PCDHA3: variants seen among roughly 807,000 people sequenced by gnomAD.
The protein encoded by PCDHA3 is protocadherin alpha 3.
Under a neutral mutation model 62.2 loss-of-function variants are expected in PCDHA3, and 41 were observed. The observed-to-expected ratio is 0.66, with a 90% CI of 0.51 to 0.86. The LOEUF is 0.86. Ranked by LOEUF, PCDHA3 falls within the 40% of genes least tolerant of loss-of-function variation. The pLI is 0.00. For missense variants in PCDHA3, 1,304 were observed against 1,241.2 expected, an observed-to-expected ratio of 1.05 and a Z score of -0.76; for synonymous variants, 640 against 555.4, an observed-to-expected ratio of 1.15 and a Z score of -2.14.
intron 1 of PCDHA3, chr5:140,823,028 C>G: frequency 6.2e-7 from 1 of 1,614,206 alleles, no homozygotes; most frequent in Non-Finnish European, 8.5e-7. Flanking sequence ...GAGAGCGTGT[C>G]GGTCTATGAG....
chr5:140,928,450 G>C, intron 1 of PCDHA3: 2 of 1,614,146 alleles, frequency 1.2e-6, no homozygotes, highest in Non-Finnish European at 8.5e-7. Flanking sequence ...GCAGCTCAGG[G>C]GGTTTCATTT....
At chr5:140,833,728 T>C (rs1554133934) in intron 1 of PCDHA3, among the ~76,000 whole-genome samples, 1 of 147,810 alleles carries the variant, frequency 6.8e-6, no homozygotes, top group Non-Finnish European at 1.5e-5. Context: ...TAGTTGCTAA[T>C]GTTTCTTGCC....
At position 140,877,565 on chromosome 5, in the gene PCDHA3, T is replaced by C; in HGVS notation, c.2394+73974T>C. On this transcript the variant is annotated intron_variant, in intron 1 of 3. Coordinates refer to ENST00000522353, the MANE Select transcript of PCDHA3 (RefSeq NM_018906.3). ...GAAGCGGCTCTGGTGGATATTAACG[T>C]GTACCTCATCATCGCCATCTGTGCG... 1 of 1,613,742 alleles carries C rather than the reference T, an allele frequency of 6.2e-7. No homozygotes were observed. The highest frequency in any genetic ancestry group is 1.7e-5 in the Admixed American group (1 of 60,024).
In PCDHA3 at chr5:140,801,468, G is replaced by A; in HGVS notation, c.271G>A (p.Asp91Asn). ...NGILFVNSRI[D>N]REELCGRSAE... is the part of the protein sequence containing the mutation. ...CATTTTGTTTGTGAATTCTCGGATAGACCGCGAGGAACTGTGCGGGCGGAG... is the reference window on the plus strand; with the variant it reads ...CATTTTGTTTGTGAATTCTCGGATAAACCGCGAGGAACTGTGCGGGCGGAG... The change falls in exon 1 of 4, where the codon GAC becomes AAC. Residue 91 changes from aspartate (D) to asparagine (N), a missense_variant. By Grantham distance (23) the Asp-to-Asn change is conservative. Coordinates refer to ENST00000522353, the MANE Select transcript of PCDHA3 (RefSeq NM_018906.3). The A allele has an allele frequency of 6.2e-7, 1 of 1,614,056 alleles. No homozygotes were observed. The highest frequency in any genetic ancestry group is 1.1e-5 in the South Asian group (1 of 91,070).
At chr5:140,850,745 C>G in intron 1 of PCDHA3, 1 of 1,597,954 alleles carries the variant, frequency 6.3e-7, no homozygotes, top group Non-Finnish European at 8.6e-7. Context: ...GTTGGTCGTA[C>G]TCGCAGCAGA....
rs781970935 is a variant in PCDHA3 at position 140,982,505 on chromosome 5, A to G, written c.2484A>G (p.Leu828=). The change falls in exon 3 of 4, where the codon CTA becomes CTG. Residue 828 remains leucine (L), a synonymous_variant. Coordinates refer to ENST00000522353, the MANE Select transcript of PCDHA3 (RefSeq NM_018906.3). ...TGCACCTAGAGGAGGCTGGCATTCT[A>G]CGGGCTGGTCCAGGAGGGCCTGATC... ...SSVHLEEAGI[L]RAGPGGPDQQ... The G allele has an allele frequency of 1.2e-6, 2 of 1,614,220 alleles. No homozygotes were observed. The highest frequency in any genetic ancestry group is 8.5e-7 in the Non-Finnish European group (1 of 1,180,032).
chr5:140,839,071 T>C lies in PCDHA3; in HGVS notation c.2394+35480T>C, dbSNP rs115806337. 2.0e-3 allele frequency among the ~76,000 whole-genome samples: 311 copies of C among 152,148 alleles called. 5 individuals are homozygous for C. Among genetic ancestry groups the C allele is most frequent in the African/African-American group, 7.1e-3 (293 of 41,488 alleles). On this transcript the variant is annotated intron_variant, in intron 1 of 3. Coordinates refer to ENST00000522353, the MANE Select transcript of PCDHA3 (RefSeq NM_018906.3). ...TGAATAAGGATAGAGGTATGCAAAG[T>C]CAAAAACCTGTCTGATAATCAATAG...
At chr5:140,872,232 G>A (rs2053558420) in intron 1 of PCDHA3, among the ~76,000 whole-genome samples, 1 of 149,716 alleles carries the variant, frequency 6.7e-6, no homozygotes, top group South Asian at 2.1e-4. Flanking sequence ...CTTTACTTTT[G>A]TCTTTATTCC....
chr5:140,965,174 CT>C (rs1213439654), intron 1 of PCDHA3, among the ~76,000 whole-genome samples: 1 of 152,110 alleles, frequency 6.6e-6, no homozygotes, highest in East Asian at 1.9e-4. Context: ...TTAGTGAGTG[CT>C]TTTTTTGCAC....
intron 3 of PCDHA3, among the ~76,000 whole-genome samples, chr5:141,008,072 T>C (rs1419103459): frequency 2.0e-5 from 3 of 152,272 alleles, no homozygotes; most frequent in Admixed American, 6.5e-5. Context: ...TAAGAACTTA[T>C]TGGGGTTATT....
rs538379527 is a variant in PCDHA3, at chr5:140,803,537, A to G, written c.2340A>G (p.Pro780=). 1.2e-5 allele frequency: 19 copies of G among 1,614,192 alleles called. No homozygotes were observed. In the South Asian group the frequency reaches 1.9e-4, roughly 16 times the overall value. Residue 780 remains proline, a synonymous_variant, in exon 1 of 4, where the codon CCA becomes CCG. Coordinates refer to ENST00000522353, the MANE Select transcript of PCDHA3 (RefSeq NM_018906.3). The stretch of plus-strand genomic sequence containing the variant: ...TTAGCCCTAGCCTTCCTCCTTGTCC[A>G]ATTAGCCGGGATAGAGAGGAGAAAC... ...MAFSPSLPPC[P]ISRDREEKQD...
intron 3 of PCDHA3, among the ~76,000 whole-genome samples, chr5:141,008,574 A>G (rs1554261815): frequency 1.3e-5 from 2 of 152,164 alleles, no homozygotes; most frequent in Admixed American, 1.3e-4. Context: ...TCATTTTCCC[A>G]AGACTCAGGG....
chr5:140,942,591 T>C (rs1180688838), intron 1 of PCDHA3, among the ~76,000 whole-genome samples: 1 of 147,516 alleles, frequency 6.8e-6, no homozygotes, highest in East Asian at 2.0e-4. Context: ...ATGTCACATA[T>C]AATTATAGTG....
intron 1 of PCDHA3, among the ~76,000 whole-genome samples, chr5:140,915,901 G>A (rs1339531688): frequency 1.3e-5 from 2 of 152,250 alleles, no homozygotes; most frequent in East Asian, 1.9e-4. Flanking sequence ...CCTGGCCCTG[G>A]GCAGGCCCAG....
intron 1 of PCDHA3, chr5:140,883,720 A>G (rs782338608): frequency 4.3e-6 from 7 of 1,613,566 alleles, no homozygotes; most frequent in Middle Eastern, 1.7e-4. Flanking sequence ...ACGCGGACGC[A>G]CAGGAGAACG....
rs2150343168 is a variant in PCDHA3, at chr5:140,842,728, G to C, written c.2394+39137G>C. 3.1e-6 allele frequency: 5 copies of C among 1,594,936 alleles called. No individual in the cohort carries two copies. In the Admixed American group the frequency reaches 6.7e-5, roughly 22 times the overall value. On this transcript the variant is annotated intron_variant, in intron 1 of 3. Coordinates refer to ENST00000522353, the MANE Select transcript of PCDHA3 (RefSeq NM_018906.3). ...CGGTGTTCGTGAAGGAGAACAACCC[G>C]CCGGGCTGCCACATCTTCACGGTGT...
chr5:140,870,642 C>A (rs373909591), intron 1 of PCDHA3: 2 of 1,612,746 alleles, frequency 1.2e-6, no homozygotes, highest in African/African-American at 1.3e-5. Context: ...ACGCGGAGAG[C>A]GGCAAGGTGT....
At chr5:140,852,888 T>TA (rs1217426677) in intron 1 of PCDHA3, 2 of 919,976 alleles carry the variant, frequency 2.2e-6, no homozygotes, top group Non-Finnish European at 2.6e-6. Context: ...AAAACGTATT[T>TA]TTTTTTTTGA....
At position 140,859,346 on chromosome 5, in the gene PCDHA3, T is replaced by G. The variant is rs978302846; in HGVS notation, c.2394+55755T>G. On this transcript the variant is annotated intron_variant, in intron 1 of 3. Transcript: ENST00000522353. ...AGGAGAAAATAAAATTAATGTTTTCTACTGATCTGATATATTGTATAGTTT... is the reference window on the plus strand; with the variant it reads ...AGGAGAAAATAAAATTAATGTTTTCGACTGATCTGATATATTGTATAGTTT... 7 of 128,770 alleles carry G rather than the reference T, an allele frequency of 5.4e-5. 1 individual carries two copies. In the Admixed American group the frequency reaches 5.5e-4, roughly 10 times the overall value. 8.0% of individuals were successfully genotyped at this position (128,770 alleles called of 1,614,324 possible).
Sources: gnomAD v4.1 joint callset for allele counts (sites outside exome capture counted in the v4.1 genomes callset) on GRCh38, gnomAD v4.1.1 for gene constraint, MANE v1.5 for transcripts, NCBI Gene and HGNC (gene_info 2026-07-23, HGNC 2026-07-21) for gene names.